The following OSBP2 variants were observed in gnomAD, a reference collection of about 807,000 sequenced individuals.
The protein encoded by OSBP2 is oxysterol binding protein 2.
OSBP2 carries 66 observed loss-of-function variants against 96.0 expected under a neutral mutation model. The ratio of observed to expected loss-of-function variants is 0.69; its 90% confidence interval spans 0.56 to 0.84. The LOEUF (loss-of-function observed/expected upper bound fraction) is 0.84, where lower values mean the gene tolerates loss of function less well. Ranked by LOEUF, OSBP2 falls within the 40% of genes least tolerant of loss-of-function variation. OSBP2 has a pLI of 0.00. For missense variants in OSBP2, 1,038 were observed against 1,222.7 expected, an observed-to-expected ratio of 0.85 and a Z score of 2.25; for synonymous variants, 525 against 520.9, an observed-to-expected ratio of 1.01 and a Z score of -0.11.
rs1019899489 is a variant in OSBP2 at position 30,695,041 on chromosome 22, C to T, written c.132C>T (p.Ser44=). 1 of 1,589,742 alleles carries T rather than the reference C, an allele frequency of 6.3e-7. No individual in the cohort carries two copies. The highest frequency in any genetic ancestry group is 8.5e-7 in the Non-Finnish European group (1 of 1,169,772). ...CGCCGGGCATGAGCGCTTCCACGTCCGGCTCCGGGCCGGAGCCCAAGCCCC... is the reference window on the plus strand; with the variant it reads ...CGCCGGGCATGAGCGCTTCCACGTCTGGCTCCGGGCCGGAGCCCAAGCCCC... ...TAAPGMSAST[S]GSGPEPKPQP... is the part of the protein sequence containing the mutation. Residue 44 remains serine, a synonymous_variant, in exon 1 of 14, where the codon TCC becomes TCT. Coordinates refer to ENST00000332585, the MANE Select transcript of OSBP2 (RefSeq NM_030758.4).
At chr22:30,768,412 C>T (rs1264680226) in intron 2 of OSBP2, among the ~76,000 whole-genome samples, 1 of 152,110 alleles carries the variant, frequency 6.6e-6, no homozygotes, top group Non-Finnish European at 1.5e-5. Flanking sequence ...CATGGTGGCT[C>T]ATACCTATAA....
chr22:30,797,209 C>T (rs136283), intron 2 of OSBP2, among the ~76,000 whole-genome samples: 28,944 of 152,184 alleles, frequency 0.19, 2,810 homozygotes, highest in Middle Eastern at 0.24. Flanking sequence ...CAGTATTCCA[C>T]TGTATGGATA....
chr22:30,703,417 A>G (rs917256022), intron 1 of OSBP2, among the ~76,000 whole-genome samples: 2 of 147,144 alleles, frequency 1.4e-5, no homozygotes, highest in Non-Finnish European at 3.0e-5. Context: ...CAAGTGATCC[A>G]CTCTCCTCAG....
chr22:30,753,068 T>C lies in OSBP2; in HGVS notation c.853+11699T>C, dbSNP rs1208576765. Among the ~76,000 whole-genome samples, 9 of 152,314 alleles carry C rather than the reference T, an allele frequency of 5.9e-5. No individual in the cohort carries two copies. The East Asian group carries it at 1.3e-3, about 23-fold the overall frequency. On this transcript the variant is annotated intron_variant, in intron 2 of 13. Coordinates refer to ENST00000332585, the MANE Select transcript of OSBP2 (RefSeq NM_030758.4). ...GGCTGAAAGGAGGAGCCCATTTACA[T>C]GGTTGTGGCACTTCGAATTTTTTTT...
At chr22:30,738,327 T>TA (rs2089886064) in intron 1 of OSBP2, among the ~76,000 whole-genome samples, 1 of 152,096 alleles carries the variant, frequency 6.6e-6, no homozygotes, top group Admixed American at 6.6e-5. Context: ...TCACTACACT[T>TA]ACACCTGAAC....
At position 30,875,041 on chromosome 22, in the gene OSBP2, T is replaced by G. The variant is rs544520675; in HGVS notation, c.1107+4359T>G. ...GGGAGTGCCAGTGAGTGATGTTTCATAGTGGGTCTTGTGTCTCTAGATAAA... is the reference window on the plus strand; with the variant it reads ...GGGAGTGCCAGTGAGTGATGTTTCAGAGTGGGTCTTGTGTCTCTAGATAAA... On this transcript the variant is annotated intron_variant, in intron 3 of 13. Transcript: ENST00000332585. Among the ~76,000 whole-genome samples the G allele has an allele frequency of 5.3e-5, 8 of 152,326 alleles. No individual in the cohort carries two copies. In the South Asian group the frequency reaches 1.7e-3, roughly 32 times the overall value.
chr22:30,815,246 G>A (rs933399728), intron 2 of OSBP2, among the ~76,000 whole-genome samples: 17 of 152,204 alleles, frequency 1.1e-4, no homozygotes, highest in Admixed American at 5.2e-4. Flanking sequence ...TCATGCCGCT[G>A]TACTCCAGCC....
At chr22:30,882,613 A>T (rs972301356) in intron 3 of OSBP2, among the ~76,000 whole-genome samples, 1 of 152,132 alleles carries the variant, frequency 6.6e-6, no homozygotes, top group African/African-American at 2.4e-5. Flanking sequence ...CAGAATCAGC[A>T]GGAGGGTTTG....
At chr22:30,711,273 T>C (rs2089343214) in intron 1 of OSBP2, among the ~76,000 whole-genome samples, 1 of 151,672 alleles carries the variant, frequency 6.6e-6, no homozygotes, top group South Asian at 2.1e-4. Context: ...ATATTTTGTT[T>C]TATACAGAAC....
intron 12 of OSBP2, among the ~76,000 whole-genome samples, chr22:30,904,656 A>G (rs1273424262): frequency 5.3e-5 from 8 of 152,198 alleles, no homozygotes; most frequent in African/African-American, 1.9e-4. Flanking sequence ...AAGTAGAGAA[A>G]GTATGAACAA....
intron 2 of OSBP2, among the ~76,000 whole-genome samples, chr22:30,746,980 G>A (rs957561901): frequency 2.0e-5 from 3 of 152,134 alleles, no homozygotes; most frequent in African/African-American, 7.2e-5. Flanking sequence ...TGACCAAGTG[G>A]GACTTACCCC....
intron 2 of OSBP2, among the ~76,000 whole-genome samples, chr22:30,826,541 G>A (rs12484559): frequency 0.02 from 3,055 of 152,194 alleles, 98 homozygotes; most frequent in East Asian, 0.12. Context: ...CCCCTCCTTC[G>A]GACCTCTCCT....
Position 30,785,976 on chromosome 22 carries a change from A to G in OSBP2, c.853+44607A>G, listed in dbSNP as rs541668840. Among the ~76,000 whole-genome samples, 165 of 152,010 alleles carry G rather than the reference A, an allele frequency of 1.1e-3. 1 individual carries two copies. Among genetic ancestry groups the G allele is most frequent in the Non-Finnish European group, 1.8e-3 (124 of 68,004 alleles). On this transcript the variant is annotated intron_variant, in intron 2 of 13. Coordinates refer to ENST00000332585, the MANE Select transcript of OSBP2 (RefSeq NM_030758.4). Reference sequence around the variant, plus strand: ...TTTTCTTTATAAATTACCCAGTCTCAGGTAGTATCTTTATAGCAATATGAG... The same window carrying G: ...TTTTCTTTATAAATTACCCAGTCTCGGGTAGTATCTTTATAGCAATATGAG...
chr22:30,717,221 G>A (rs961623663), intron 1 of OSBP2, among the ~76,000 whole-genome samples: 1 of 151,708 alleles, frequency 6.6e-6, no homozygotes, highest in Non-Finnish European at 1.5e-5. Flanking sequence ...AAGTAGCTGG[G>A]ATTATAGGCA....
rs2090750266 is a variant in OSBP2, at chr22:30,795,701, T to G, written c.853+54332T>G. On this transcript the variant is annotated intron_variant, in intron 2 of 13. Transcript: ENST00000332585. ...CGCCCAGCTAATTTTGTATTTTTAG[T>G]AGAGATGGGGTTTCTCCATGTTGGT... Among the ~76,000 whole-genome samples, 3 of 152,172 alleles carry G rather than the reference T, an allele frequency of 2.0e-5. No homozygotes were observed. In the South Asian group the frequency reaches 6.2e-4, roughly 32 times the overall value.
intron 2 of OSBP2, among the ~76,000 whole-genome samples, chr22:30,841,090 G>T (rs565062163): frequency 1.3e-5 from 2 of 152,002 alleles, no homozygotes; most frequent in Admixed American, 1.3e-4. Flanking sequence ...ACTTGAACCC[G>T]GGAGGCGGAG....
chr22:30,694,286 G>C (rs1287514962), upstream of OSBP2: 10 of 1,549,638 alleles, frequency 6.5e-6, no homozygotes, highest in African/African-American at 1.4e-5. Context: ...AGGTGGAGGC[G>C]GTGAGGCGGC....
At chr22:30,703,690 G>A (rs908545904) in intron 1 of OSBP2, among the ~76,000 whole-genome samples, 1 of 151,990 alleles carries the variant, frequency 6.6e-6, no homozygotes, top group Non-Finnish European at 1.5e-5. Flanking sequence ...TGGCCAGGCT[G>A]GTCTCAAATT....
intron 2 of OSBP2, among the ~76,000 whole-genome samples, chr22:30,850,008 A>G (rs1248207536): frequency 1.2e-4 from 18 of 152,080 alleles, no homozygotes; most frequent in Non-Finnish European, 1.5e-5. Flanking sequence ...CTTTATTGAA[A>G]TTCAGTTGAT....
Sources: allele counts gnomAD v4.1 joint callset (sites outside exome capture counted in the v4.1 genomes callset), GRCh38; gene constraint gnomAD v4.1.1; transcripts MANE v1.5; gene names NCBI Gene and HGNC (gene_info 2026-07-23, HGNC 2026-07-21).